The following GPLD1 variants were observed in gnomAD, a reference collection of about 807,000 sequenced individuals.
GPLD1 encodes the protein glycosylphosphatidylinositol specific phospholipase D1.
A neutral mutation model predicts 112.6 loss-of-function variants in GPLD1; 84 were observed. The ratio of observed to expected loss-of-function variants is 0.75; its 90% CI spans 0.63 to 0.89. The LOEUF (loss-of-function observed/expected upper bound fraction) is 0.89. Ranked by LOEUF, GPLD1 falls within the 40% of genes least tolerant of loss-of-function variation. The probability of loss-of-function intolerance (pLI) is 0.00; values close to 1 mark genes in which losing one functional copy is unlikely to be tolerated. For synonymous variants in GPLD1, 386 were observed against 403.8 expected (o/e 0.96, Z 0.53); for missense variants, 1,044 against 1,051.5 (o/e 0.99, Z 0.10).
At chr6:24,487,828 C>A (rs1370084791) in intron 1 of GPLD1, among the ~76,000 whole-genome samples, 3 of 152,136 alleles carry the variant, frequency 2.0e-5, no homozygotes, top group Non-Finnish European at 4.4e-5. Flanking sequence ...GAACGCCGGA[C>A]CAGCTGTCAG....
At position 24,431,033 on chromosome 6, in the gene GPLD1, A is replaced by G. The variant is rs1033063286; in HGVS notation, c.2437-1915T>C. ...CTTGACAATGCCTAATTTTTGAAAC[A>G]AATAAAATTTTAGATATAAGCCAAG... On this transcript the variant is annotated intron_variant, in intron 24 of 24. Coordinates refer to ENST00000230036, the MANE Select transcript of GPLD1 (RefSeq NM_001503.4). Among the ~76,000 whole-genome samples the G allele has an allele frequency of 3.3e-5, 5 of 152,342 alleles. No homozygotes were observed. In the East Asian group the frequency reaches 9.6e-4, roughly 29 times the overall value.
chr6:24,424,331 G>A (rs1361863045), downstream of GPLD1: 1 of 151,268 alleles, frequency 6.6e-6, no homozygotes, highest in Non-Finnish European at 1.5e-5. Context: ...TTTGCTCTCT[G>A]TAATTAGAGC....
chr6:24,445,796 T>C lies in GPLD1; in HGVS notation c.1856A>G (p.Lys619Arg), dbSNP rs1762891915. The C allele has an allele frequency of 1.9e-6, 3 of 1,613,496 alleles. No homozygotes were observed. The highest frequency in any genetic ancestry group is 8.5e-7 in the Non-Finnish European group (1 of 1,179,606). ...GHLLHIRDEK[K>R]SLGRVYGYFP... ...GTAGCCATACACCCTCCCAAGGCTC[T>C]TTTTCTCATCTCGGATGTGTAACAA... Residue 619 changes from lysine to arginine, a missense_variant, in exon 19 of 25, where the codon AAG becomes AGG. Coordinates refer to ENST00000230036, the MANE Select transcript of GPLD1 (RefSeq NM_001503.4).
intron 4 of GPLD1, among the ~76,000 whole-genome samples, chr6:24,475,841 G>A (rs1165840571): frequency 1.3e-5 from 2 of 151,160 alleles, no homozygotes; most frequent in African/African-American, 4.9e-5. Context: ...CTGGGTGACA[G>A]AGCGACACTC....
intron 20 of GPLD1, 99 bp downstream of exon 20, chr6:24,445,447 G>A (rs1319049309): frequency 2.6e-6 from 2 of 763,216 alleles, no homozygotes; most frequent in African/African-American, 3.5e-5. Context: ...TTGAAACCTA[G>A]ATCTGTTCAG....
At chr6:24,467,882 C>G (rs1238817194) in intron 7 of GPLD1, among the ~76,000 whole-genome samples, 1 of 151,746 alleles carries the variant, frequency 6.6e-6, no homozygotes, top group African/African-American at 2.4e-5. Flanking sequence ...TGTGTGGTTT[C>G]TGTGTGGTTG....
chr6:24,429,160 A>G (rs201843004), intron 24 of GPLD1, 42 bp from the exon 25 acceptor site: 51 of 1,260,474 alleles, frequency 4.0e-5, no homozygotes, highest in Non-Finnish European at 5.6e-5. Flanking sequence ...CATTCATAAC[A>G]TCTATTGAGT....
At chr6:24,492,585 G>C (rs1764586679), upstream of GPLD1, among the ~76,000 whole-genome samples, 3 of 151,898 alleles carry the variant, frequency 2.0e-5, no homozygotes, top group African/African-American at 7.3e-5. Context: ...GTGGGAACTG[G>C]GGAGTGGAGG....
At chr6:24,491,291 T>C (rs916683114), upstream of GPLD1, among the ~76,000 whole-genome samples, 2 of 152,190 alleles carry the variant, frequency 1.3e-5, no homozygotes, top group African/African-American at 2.4e-5. Context: ...ACTTTGGATA[T>C]TGTCTCTCAG....
intron 2 of GPLD1, 31 bp from the exon 3 acceptor site, chr6:24,479,990 G>T (rs371096430): frequency 9.2e-5 from 129 of 1,403,276 alleles, no homozygotes; most frequent in Non-Finnish European, 1.3e-4. Flanking sequence ...GAGATTAAGG[G>T]GCAGGAGTCA....
chr6:24,461,720 C>T (rs1335342386), intron 11 of GPLD1, among the ~76,000 whole-genome samples: 1 of 152,218 alleles, frequency 6.6e-6, no homozygotes, highest in Non-Finnish European at 1.5e-5. Flanking sequence ...TAACACTTAA[C>T]AATGTCCACA....
intron 12 of GPLD1, among the ~76,000 whole-genome samples, chr6:24,459,469 C>A (rs940490658): frequency 1.4e-4 from 21 of 152,150 alleles, no homozygotes; most frequent in African/African-American, 4.8e-4. Context: ...GTTACCCAGG[C>A]TAGTCTCAAA....
At chr6:24,495,061 G>A (rs750114301) in exon 1 of GPLD1, 3 of 1,341,560 alleles carry the variant, frequency 2.2e-6, no homozygotes, top group Non-Finnish European at 2.9e-6. Context: ...TTTCCAGGCT[G>A]CCGCCTCCGC....
At chr6:24,492,025 AC>A (rs896158742), upstream of GPLD1, among the ~76,000 whole-genome samples, 11 of 151,986 alleles carry the variant, frequency 7.2e-5, no homozygotes, top group African/African-American at 2.7e-4. Context: ...TCTGCCCCAC[AC>A]CCCCCTTTCC....
At chr6:24,480,541 G>C (rs6456617) in intron 2 of GPLD1, among the ~76,000 whole-genome samples, 1 of 152,056 alleles carries the variant, frequency 6.6e-6, no homozygotes, top group Non-Finnish European at 1.5e-5. Context: ...AGAGAAAAAC[G>C]GACACACAAA....
At chr6:24,433,859 T>G (rs989194532) in intron 22 of GPLD1, among the ~76,000 whole-genome samples, 3 of 152,080 alleles carry the variant, frequency 2.0e-5, no homozygotes, top group African/African-American at 7.2e-5. Flanking sequence ...AAATTCTACT[T>G]ATAGAAATAC....
chr6:24,437,284 C>T lies in GPLD1; in HGVS notation c.2026G>A (p.Val676Met), dbSNP rs112686285. The T allele has an allele frequency of 1.0e-4, 168 of 1,613,144 alleles. No homozygotes were observed. The highest frequency in any genetic ancestry group is 1.3e-4 in the Non-Finnish European group (158 of 1,179,486). The change falls in exon 21 of 25, where the codon GTG becomes ATG. Residue 676 changes from valine (V) to methionine (M), a missense_variant. Physicochemically the swap from Val to Met is conservative, Grantham distance 21 (BLOSUM62 1). Transcript: ENST00000230036. ...ACGGTCAGGAATGCCACCTTAGACA[C>T]GTCATCTGAAACGAACCACAGTTCC... ...LLVGAPTYDDVSKVAFLTVTL... is the reference protein window; with the variant it reads ...LLVGAPTYDDMSKVAFLTVTL...
chr6:24,445,913 G>C, intron 18 of GPLD1, 82 bp from the exon 19 acceptor site: 1 of 962,794 alleles, frequency 1.0e-6, no homozygotes, highest in East Asian at 2.4e-5. Flanking sequence ...GAAAGGAAAT[G>C]CACCTCCCCC....
upstream of GPLD1, among the ~76,000 whole-genome samples, chr6:24,490,757 AAAAAAAAGAAAAG>A (rs1305883713): frequency 1.3e-5 from 2 of 151,934 alleles, no homozygotes; most frequent in Admixed American, 6.6e-5. Flanking sequence ...GTCTCAAAAA[AAAAAAAAGAAAAG>A]AAAAAAAGAA....
Sources: allele counts gnomAD v4.1 joint callset (sites outside exome capture counted in the v4.1 genomes callset), GRCh38; gene constraint gnomAD v4.1.1; transcripts MANE v1.5; gene names NCBI Gene and HGNC (gene_info 2026-07-23, HGNC 2026-07-21).